The following RAB14 variants were observed in gnomAD, a reference collection of about 807,000 sequenced individuals.
The protein encoded by RAB14 is ras-related protein Rab-14.
A neutral mutation model predicts 31.1 loss-of-function variants in RAB14; 3 were observed. That is an observed-to-expected ratio of 0.10 (90% CI 0.04 to 0.25). The LOEUF is 0.25. Ranked by LOEUF, RAB14 falls within the 10% of genes least tolerant of loss-of-function variation. The pLI is 1.00. For missense variants in RAB14, 111 were observed against 260.1 expected (o/e 0.43, Z 3.94); for synonymous variants, 85 against 84.9 (o/e 1.00, Z 0.00).
At chr9:121,194,167 C>T (rs1047086952) in intron 1 of RAB14, among the ~76,000 whole-genome samples, 6 of 151,534 alleles carry the variant, frequency 4.0e-5, no homozygotes, top group Admixed American at 4.0e-4. Context: ...GTCTTGAACT[C>T]CTGGCCTTAA....
intron 1 of RAB14, among the ~76,000 whole-genome samples, chr9:121,197,027 A>G (rs1393771854): frequency 5.3e-5 from 8 of 152,180 alleles, no homozygotes; most frequent in Admixed American, 5.2e-4. Context: ...TAGACCTAGA[A>G]CTTGAACCCA....
chr9:121,199,685 AT>A (rs954489854), intron 1 of RAB14, among the ~76,000 whole-genome samples: 1 of 152,210 alleles, frequency 6.6e-6, no homozygotes, highest in Non-Finnish European at 1.5e-5. Context: ...ATTTCAAGGG[AT>A]TTTTTAATAG....
chr9:121,178,847 A>C lies in RAB14; in HGVS notation c.*2549T>G, dbSNP rs1459441575. On this transcript the variant is annotated 3_prime_UTR_variant, in exon 8 of 8. Coordinates refer to ENST00000373840, the MANE Select transcript of RAB14 (RefSeq NM_016322.4). ...TCCAAGGGCAATGAGCAACCTCAAG[A>C]GGCAGGTGACTGCACAAGCAGTAAG... 1 of 152,258 alleles carries C rather than the reference A, an allele frequency of 6.6e-6. No individual in the cohort carries two copies. The highest frequency in any genetic ancestry group is 1.5e-5 in the Non-Finnish European group (1 of 68,044). 9.4% of individuals were successfully genotyped at this position (152,258 alleles called of 1,614,324 possible). A position where few individuals can be genotyped will look rare whatever the true frequency, so the allele number is the denominator to read the frequency against.
intron 2 of RAB14, among the ~76,000 whole-genome samples, chr9:121,192,870 G>T (rs191179358): frequency 6.6e-6 from 1 of 152,196 alleles, no homozygotes; most frequent in African/African-American, 2.4e-5. Flanking sequence ...GTAGTTTTAT[G>T]TTTGGATAAA....
chr9:121,197,544 G>A (rs2053724798), intron 1 of RAB14, among the ~76,000 whole-genome samples: 2 of 152,070 alleles, frequency 1.3e-5, no homozygotes, highest in Non-Finnish European at 2.9e-5. Context: ...ACTAATTATT[G>A]TTGTGACAAA....
intron 4 of RAB14, among the ~76,000 whole-genome samples, chr9:121,188,751 C>A (rs2053671305): frequency 6.6e-6 from 1 of 152,036 alleles, no homozygotes; most frequent in South Asian, 2.1e-4. Flanking sequence ...TAAAGTATCA[C>A]TTTAGCGCCT....
chr9:121,182,977 G>A lies in RAB14; in HGVS notation c.440-17C>T. 6.2e-7 allele frequency: 1 copy of A among 1,602,520 alleles called. No homozygotes were observed. Among genetic ancestry groups the A allele is most frequent in the South Asian group, 1.1e-5 (1 of 89,744 alleles). ...ACAATAAGCCTAAAAATAAAATTCAGACTATAATTAGGACACTTCAAACTA... is the reference window on the plus strand; with the variant it reads ...ACAATAAGCCTAAAAATAAAATTCAAACTATAATTAGGACACTTCAAACTA... On this transcript the variant is annotated splice_polypyrimidine_tract_variant and intron_variant, in intron 6 of 7. Coordinates refer to ENST00000373840, the MANE Select transcript of RAB14 (RefSeq NM_016322.4).
In RAB14 at chr9:121,181,531, T is replaced by C. The variant is rs188001419; in HGVS notation, c.513A>G (p.Lys171=). ...VEDAFLEAAK[K]IYQNIQDGSL... ...TTCCATCCTGAATGTTCTGATAGAT[T>C]TTCTTGGCAGCCTCAAGGAAGGCAT... Residue 171 remains lysine (K), a synonymous_variant, in exon 8 of 8, where the codon AAA becomes AAG. Coordinates refer to ENST00000373840, the MANE Select transcript of RAB14 (RefSeq NM_016322.4). The C allele has an allele frequency of 3.7e-6, 6 of 1,612,964 alleles. No homozygotes were observed. In the African/African-American group the frequency reaches 8.0e-5, roughly 22 times the overall value.
chr9:121,188,549 A>C (rs1338689392), intron 4 of RAB14, among the ~76,000 whole-genome samples: 1 of 151,788 alleles, frequency 6.6e-6, no homozygotes, highest in East Asian at 1.9e-4. Flanking sequence ...CTAAAAAAAA[A>C]GTGCTAAAAT....
rs912833421 is a variant in RAB14, at chr9:121,181,138, T to C, written c.*258A>G. ...TTTAAATCATATATTGGTGACATAC[T>C]TATCACGAGGACAAGGGGGAAAAAA... On this transcript the variant is annotated 3_prime_UTR_variant, in exon 8 of 8. Coordinates refer to ENST00000373840, the MANE Select transcript of RAB14 (RefSeq NM_016322.4). 6.2e-6 allele frequency: 2 copies of C among 322,494 alleles called. No homozygotes were observed. Among genetic ancestry groups the C allele is most frequent in the Non-Finnish European group, 1.1e-5 (2 of 177,758 alleles). The allele number at this position is 322,494 out of a possible 1,614,324, so 20.0% of individuals were successfully genotyped here. A position where few individuals can be genotyped will look rare whatever the true frequency, so the allele number is the denominator to read the frequency against.
rs951008292 is a variant in RAB14, at chr9:121,178,701, A to G, written c.*2695T>C. ...GTAAACCACCAACCAAAAAAAAATA[A>G]TAAGTTACTCCATCAAACACGTTAT... On this transcript the variant is annotated 3_prime_UTR_variant, in exon 8 of 8. Coordinates refer to ENST00000373840, the MANE Select transcript of RAB14 (RefSeq NM_016322.4). The G allele has an allele frequency of 6.6e-6, 1 of 152,480 alleles. No homozygotes were observed. Among genetic ancestry groups the G allele is most frequent in the East Asian group, 1.9e-4 (1 of 5,192 alleles). 9.4% of individuals were successfully genotyped at this position (152,480 alleles called of 1,614,324 possible).
intron 3 of RAB14, 65 bp from the exon 4 acceptor site, chr9:121,190,796 GAAAA>G: frequency 6.7e-7 from 1 of 1,492,180 alleles, no homozygotes; most frequent in Non-Finnish European, 9.2e-7. Flanking sequence ...CCTAGAGGGG[GAAAA>G]TCCACTAAAT....
chr9:121,187,143 G>A (rs1047743381), intron 4 of RAB14, 124 bp from the exon 5 acceptor site: 33 of 514,256 alleles, frequency 6.4e-5, no homozygotes, highest in Non-Finnish European at 9.3e-5. Context: ...CAGTTACTCA[G>A]AACAGTAGTT....
intron 4 of RAB14, among the ~76,000 whole-genome samples, chr9:121,189,283 T>C (rs530035983): frequency 2.9e-4 from 44 of 152,256 alleles, no homozygotes; most frequent in Non-Finnish European, 5.9e-4. Context: ...TTAACTATGC[T>C]TAAAAGATAT....
At chr9:121,183,500 G>A in intron 5 of RAB14, 102 bp from the exon 6 acceptor site, 1 of 880,070 alleles carries the variant, frequency 1.1e-6, no homozygotes, top group South Asian at 1.5e-5. Context: ...AAAATGACTG[G>A]GCCTAAAAAG....
chr9:121,182,463 C>A (rs1200113214), intron 7 of RAB14, among the ~76,000 whole-genome samples: 1 of 152,172 alleles, frequency 6.6e-6, no homozygotes, highest in East Asian at 1.9e-4. Context: ...GATGGGTGTA[C>A]CACAGTTCAA....
intron 3 of RAB14, among the ~76,000 whole-genome samples, chr9:121,191,080 T>C (rs1346393592): frequency 6.6e-6 from 1 of 152,156 alleles, no homozygotes; most frequent in African/African-American, 2.4e-5. Context: ...CCAATAAATT[T>C]TATTCACAAA....
chr9:121,185,811 G>A (rs2132023342), intron 5 of RAB14, among the ~76,000 whole-genome samples: 1 of 152,210 alleles, frequency 6.6e-6, no homozygotes, highest in South Asian at 2.1e-4. Flanking sequence ...CCTGTCAATG[G>A]CCAGGTTGGG....
chr9:121,186,894 C>T, intron 5 of RAB14, 59 bp downstream of exon 5: 1 of 1,236,966 alleles, frequency 8.1e-7, no homozygotes, highest in South Asian at 1.8e-5. Flanking sequence ...AAATGGCTTC[C>T]CTTTTTGGGT....
Sources: allele counts gnomAD v4.1 joint callset (sites outside exome capture counted in the v4.1 genomes callset), GRCh38; gene constraint gnomAD v4.1.1; transcripts MANE v1.5; gene names NCBI Gene and HGNC (gene_info 2026-07-23, HGNC 2026-07-21).